The following UBE2E1 variants were observed in gnomAD, a reference collection of about 807,000 sequenced individuals.
UBE2E1 encodes the protein ubiquitin-conjugating enzyme E2 E1.
In UBE2E1, 6 loss-of-function variants were observed where a neutral mutation model predicts 21.4. That is an observed-to-expected ratio of 0.28 (90% CI 0.15 to 0.55). The LOEUF (loss-of-function observed/expected upper bound fraction) is 0.55, where lower values mean the gene tolerates loss of function less well. Ranked by LOEUF, UBE2E1 falls within the 20% of genes least tolerant of loss-of-function variation. UBE2E1 has a pLI of 0.93. For synonymous variants in UBE2E1, 87 were observed against 82.7 expected (o/e 1.05, Z -0.28); for missense variants, 142 against 236.5 (o/e 0.60, Z 2.62).
chr3:23,839,256 G>A (rs1227623856), intron 3 of UBE2E1, among the ~76,000 whole-genome samples: 1 of 152,044 alleles, frequency 6.6e-6, no homozygotes, highest in Non-Finnish European at 1.5e-5. Flanking sequence ...GAGGTCAGGA[G>A]ATCGAGACCA....
chr3:23,882,141 C>A (rs952694920), intron 3 of UBE2E1, among the ~76,000 whole-genome samples: 1 of 152,196 alleles, frequency 6.6e-6, no homozygotes, highest in Admixed American at 6.5e-5. Context: ...AGCAGGTTGC[C>A]ACTGCTGGCT....
intron 3 of UBE2E1, among the ~76,000 whole-genome samples, chr3:23,824,556 CA>C (rs1699714030): frequency 6.6e-6 from 1 of 152,198 alleles, no homozygotes; most frequent in Non-Finnish European, 1.5e-5. Flanking sequence ...CCTCCAAAAG[CA>C]GTCATCTTTC....
chr3:23,882,571 G>A (rs191172945), intron 3 of UBE2E1, among the ~76,000 whole-genome samples: 3 of 152,114 alleles, frequency 2.0e-5, no homozygotes, highest in East Asian at 3.9e-4. Flanking sequence ...ACCGGGAGCC[G>A]CGGAGCAGGG....
At chr3:23,847,300 C>T (rs1700228189) in intron 3 of UBE2E1, among the ~76,000 whole-genome samples, 1 of 151,824 alleles carries the variant, frequency 6.6e-6, no homozygotes, top group African/African-American at 2.4e-5. Flanking sequence ...AAGAAGACAT[C>T]CATTAATGTC....
chr3:23,826,207 T>G (rs1699756864), intron 3 of UBE2E1, among the ~76,000 whole-genome samples: 1 of 152,158 alleles, frequency 6.6e-6, no homozygotes, highest in Non-Finnish European at 1.5e-5. Context: ...TCTAACAAAT[T>G]TAGACATTTT....
In UBE2E1 at chr3:23,863,930, A is replaced by C. The variant is rs1358398393; in HGVS notation, c.204-23637A>C. Among the ~76,000 whole-genome samples, 2 of 152,144 alleles carry C rather than the reference A, an allele frequency of 1.3e-5. No homozygotes were observed. The highest frequency in any genetic ancestry group is 4.8e-5 in the African/African-American group (2 of 41,426). On this transcript the variant is annotated intron_variant, in intron 3 of 5. Transcript: ENST00000306627. This position sits in a 1 kb window ranked among gnomAD's most constrained non-coding sequence, Gnocchi z 4.3. ...ACTCTGTTTATAGCTGTCATACCGG[A>C]TTCTCGTGTCACTGTCTTTTGGGGA...
chr3:23,871,409 G>A (rs1032812295), intron 3 of UBE2E1, among the ~76,000 whole-genome samples: 2 of 150,846 alleles, frequency 1.3e-5, no homozygotes, highest in South Asian at 2.1e-4. Context: ...CCTCCCTCCC[G>A]GACAGGGCGG....
rs1699330600 is a variant in UBE2E1, at chr3:23,808,916, T to C, written c.152+1495T>C. Reference sequence around the variant, plus strand: ...CTTTTGGTAATTTGCATTTTTATATTTTGCTAGATATCCCTGGTGTACATG... The same window carrying C: ...CTTTTGGTAATTTGCATTTTTATATCTTGCTAGATATCCCTGGTGTACATG... On this transcript the variant is annotated intron_variant, in intron 2 of 5. Transcript: ENST00000306627. The surrounding 1 kb of genome is among the most constrained non-coding windows in gnomAD (Gnocchi z 4.9). 6.6e-6 allele frequency: 1 copy of C among 152,192 alleles called. No individual in the cohort carries two copies. Among genetic ancestry groups the C allele is most frequent in the Non-Finnish European group, 1.5e-5 (1 of 68,026 alleles). 9.4% of individuals were successfully genotyped at this position (152,192 alleles called of 1,614,324 possible). A position where few individuals can be genotyped will look rare whatever the true frequency, so the allele number is the denominator to read the frequency against.
intron 3 of UBE2E1, among the ~76,000 whole-genome samples, chr3:23,854,649 G>A (rs570346034): frequency 3.9e-5 from 6 of 152,306 alleles, no homozygotes; most frequent in Admixed American, 6.5e-5. Flanking sequence ...TTTTTAATAT[G>A]TAGGAGTTAC....
intron 3 of UBE2E1, among the ~76,000 whole-genome samples, chr3:23,878,494 A>G (rs990176297): frequency 1.3e-5 from 2 of 152,208 alleles, no homozygotes; most frequent in Non-Finnish European, 2.9e-5. Context: ...CCCATTAGGA[A>G]CCACGCACAT....
Position 23,891,283 on chromosome 3 carries a change from C to CTAAT in UBE2E1, c.*678_*681dup, listed in dbSNP as rs1482401849. 1 of 152,150 alleles carries CTAAT rather than the reference C, an allele frequency of 6.6e-6. No individual in the cohort carries two copies. The highest frequency in any genetic ancestry group is 1.5e-5 in the Non-Finnish European group (1 of 68,032). 9.4% of individuals were successfully genotyped at this position (152,150 alleles called of 1,614,324 possible). A position where few individuals can be genotyped will look rare whatever the true frequency, so the allele number is the denominator to read the frequency against. ...ACTTAAGTCTGCATTTGTTACTGTG[C>CTAAT]TAATAAACAATATTAAAAACCACCT... On this transcript the variant is annotated 3_prime_UTR_variant, in exon 6 of 6. Transcript: ENST00000306627.
intron 3 of UBE2E1, among the ~76,000 whole-genome samples, chr3:23,869,444 T>TGTGTGTGTGTGTGTGTGTGTG (rs1553639716): frequency 6.7e-6 from 1 of 148,924 alleles, no homozygotes; most frequent in African/African-American, 2.5e-5. Flanking sequence ...TGTGTGTGTG[T>TGTGTGTGTGTGTGTGTGTGTG]TAACTTCAGT....
At position 23,816,566 on chromosome 3, in the gene UBE2E1, G is replaced by C. The variant is rs188024509; in HGVS notation, c.203+5056G>C. ...CTAAAAATACAAAAAAATTAGCCGG[G>C]CATGGTGGCGGGCACCTGTAGTCCC... On this transcript the variant is annotated intron_variant, in intron 3 of 5. Coordinates refer to ENST00000306627, the MANE Select transcript of UBE2E1 (RefSeq NM_003341.5). The surrounding 1 kb of genome is among the most constrained non-coding windows in gnomAD (Gnocchi z 4.8). Among the ~76,000 whole-genome samples the C allele has an allele frequency of 6.6e-6, 1 of 152,130 alleles. No homozygotes were observed. Among genetic ancestry groups the C allele is most frequent in the African/African-American group, 2.4e-5 (1 of 41,424 alleles).
rs769094956 is a variant in UBE2E1, at chr3:23,887,397, A to G, written c.204-170A>G. On this transcript the variant is annotated intron_variant, in intron 3 of 5. Transcript: ENST00000306627. The surrounding 1 kb of genome is among the most constrained non-coding windows in gnomAD (Gnocchi z 4.4). Reference sequence around the variant, plus strand: ...TTTTATCATCCAGTTTGCTTGACCAATGGCTATGGGTTTGTTGCAGTTCTG... The same window carrying G: ...TTTTATCATCCAGTTTGCTTGACCAGTGGCTATGGGTTTGTTGCAGTTCTG... 6.4e-4 allele frequency among the ~76,000 whole-genome samples: 98 copies of G among 152,178 alleles called. No homozygotes were observed. Among genetic ancestry groups the G allele is most frequent in the Non-Finnish European group, 1.2e-3 (79 of 68,038 alleles).
At chr3:23,882,923 C>T (rs1330755627) in intron 3 of UBE2E1, among the ~76,000 whole-genome samples, 1 of 152,226 alleles carries the variant, frequency 6.6e-6, no homozygotes, top group East Asian at 1.9e-4. Context: ...TCTCCCTCCA[C>T]ACCTCCCTGC....
intron 3 of UBE2E1, among the ~76,000 whole-genome samples, chr3:23,815,908 T>C (rs1286220517): frequency 6.6e-6 from 1 of 152,236 alleles, no homozygotes; most frequent in Non-Finnish European, 1.5e-5. Flanking sequence ...TTTATGCATG[T>C]AAAGGCAGTG....
chr3:23,834,720 C>T (rs943710484), intron 3 of UBE2E1, among the ~76,000 whole-genome samples: 3 of 151,974 alleles, frequency 2.0e-5, no homozygotes, highest in African/African-American at 7.3e-5. Context: ...CAGAGCGAGA[C>T]CCCGTCTCTA....
chr3:23,888,613 G>A (rs1471173659), intron 4 of UBE2E1, among the ~76,000 whole-genome samples: 2 of 152,210 alleles, frequency 1.3e-5, no homozygotes, highest in African/African-American at 4.8e-5. Context: ...AGGACCTGAT[G>A]TAACGGTCAG....
chr3:23,887,554 G>T lies in UBE2E1; in HGVS notation c.204-13G>T. 6.3e-7 allele frequency: 1 copy of T among 1,598,316 alleles called. No homozygotes were observed. Among genetic ancestry groups the T allele is most frequent in the Non-Finnish European group, 8.5e-7 (1 of 1,175,908 alleles). On this transcript the variant is annotated splice_polypyrimidine_tract_variant and intron_variant, in intron 3 of 5. Transcript: ENST00000306627. The surrounding 1 kb of genome is among the most constrained non-coding windows in gnomAD (Gnocchi z 4.4). ...TGCCACCATCTGCTTATTTGTTGAC[G>T]TATTATTCACAGTGCTGGTCCCAAA...
Sources: gnomAD v4.1 joint callset for allele counts (sites outside exome capture counted in the v4.1 genomes callset) on GRCh38, gnomAD v4.1.1 for gene constraint, Gnocchi (gnomAD v3.1) non-coding constraint, MANE v1.5 for transcripts, NCBI Gene and HGNC (gene_info 2026-07-23, HGNC 2026-07-21) for gene names.